Variants in PTPRG observed in about 807,000 individuals in gnomAD.
PTPRG encodes the protein protein tyrosine phosphatase receptor type G, also known as receptor-type tyrosine-protein phosphatase gamma.
In PTPRG, 102 loss-of-function variants were observed where a neutral mutation model predicts 165.3. The ratio of observed to expected loss-of-function variants is 0.62; its 90% CI spans 0.53 to 0.73. PTPRG has a LOEUF of 0.73. Ranked by LOEUF, PTPRG falls within the 30% of genes least tolerant of loss-of-function variation. PTPRG has a pLI of 0.00. For synonymous variants in PTPRG, 675 were observed against 669.5 expected, an observed-to-expected ratio of 1.01 and a Z score of -0.13; for missense variants, 1,866 against 1,861.4, an observed-to-expected ratio of 1.00 and a Z score of -0.05.
At chr3:61,664,292 A>T (rs1296039628) in intron 1 of PTPRG, among the ~76,000 whole-genome samples, 1 of 152,090 alleles carries the variant, frequency 6.6e-6, no homozygotes, top group Non-Finnish European at 1.5e-5. Context: ...AGTCATAGTT[A>T]CCCAGCAGGA....
intron 15 of PTPRG, among the ~76,000 whole-genome samples, chr3:62,249,592 T>C (rs1169075082): frequency 6.6e-6 from 1 of 152,178 alleles, no homozygotes; most frequent in East Asian, 1.9e-4. Context: ...GGAATCTTAA[T>C]GGTATTTATA....
intron 2 of PTPRG, among the ~76,000 whole-genome samples, chr3:61,763,532 A>AT (rs35443698): frequency 0.84 from 123,963 of 148,414 alleles, 52,050 homozygotes; most frequent in East Asian, 0.94. Context: ...CGCCCAGCTA[A>AT]TTTTTGTATT....
At chr3:62,183,306 G>C (rs887334891) in intron 8 of PTPRG, among the ~76,000 whole-genome samples, 1 of 152,162 alleles carries the variant, frequency 6.6e-6, no homozygotes, top group Non-Finnish European at 1.5e-5. Flanking sequence ...GCTCATGCCT[G>C]TAATCTCAAC....
At chr3:62,084,237 A>G (rs981347654) in intron 5 of PTPRG, among the ~76,000 whole-genome samples, 2 of 152,324 alleles carry the variant, frequency 1.3e-5, no homozygotes, top group East Asian at 1.9e-4. Context: ...AAGTAATTGA[A>G]TTGCATCTGA....
chr3:61,845,938 C>T (rs2036794057), intron 2 of PTPRG, among the ~76,000 whole-genome samples: 1 of 152,126 alleles, frequency 6.6e-6, no homozygotes, highest in Admixed American at 6.6e-5. Context: ...AATGAACTGT[C>T]AAGGTTTTTT....
chr3:61,917,759 G>A (rs145524013), intron 2 of PTPRG, among the ~76,000 whole-genome samples: 118 of 152,166 alleles, frequency 7.8e-4, no homozygotes, highest in African/African-American at 2.7e-3. Context: ...GTGAAACCCC[G>A]TGTCTTTACT....
intron 5 of PTPRG, among the ~76,000 whole-genome samples, chr3:62,120,647 A>T (rs1703031280): frequency 2.6e-5 from 4 of 151,818 alleles, no homozygotes; most frequent in Admixed American, 6.6e-5. Context: ...GCTACTGGGG[A>T]GCCTGAGGCA....
chr3:62,029,460 C>T (rs555163105), intron 4 of PTPRG, among the ~76,000 whole-genome samples: 4 of 152,276 alleles, frequency 2.6e-5, no homozygotes, highest in Admixed American at 6.5e-5. Flanking sequence ...CCCTTAAAAA[C>T]GCTAAAACAC....
chr3:61,884,079 A>G (rs1271523013), intron 2 of PTPRG, among the ~76,000 whole-genome samples: 2 of 152,210 alleles, frequency 1.3e-5, no homozygotes, highest in Non-Finnish European at 2.9e-5. Context: ...TGGACAATCC[A>G]TGACATACTT....
At chr3:61,898,118 G>A (rs1291218862) in intron 2 of PTPRG, among the ~76,000 whole-genome samples, 3 of 152,116 alleles carry the variant, frequency 2.0e-5, no homozygotes, top group Non-Finnish European at 2.9e-5. Flanking sequence ...ACACATCCTT[G>A]CCTTGTTCCC....
chr3:61,652,484 G>C (rs10510866), intron 1 of PTPRG, among the ~76,000 whole-genome samples: 16,450 of 152,090 alleles, frequency 0.11, 978 homozygotes, highest in East Asian at 0.16. Context: ...CAGGACACTT[G>C]TTGAGCTCTT....
chr3:62,189,176 C>T (rs1699742129), intron 8 of PTPRG, among the ~76,000 whole-genome samples: 1 of 152,082 alleles, frequency 6.6e-6, no homozygotes, highest in African/African-American at 2.4e-5. Context: ...GAATGACCCA[C>T]TAATTTATCC....
intron 5 of PTPRG, among the ~76,000 whole-genome samples, chr3:62,083,307 C>T (rs1701642955): frequency 6.7e-6 from 1 of 150,064 alleles, no homozygotes; most frequent in Non-Finnish European, 1.5e-5. Flanking sequence ...CACTATGTTG[C>T]TCAGGCAGGT....
chr3:61,588,107 T>G (rs894321512), intron 1 of PTPRG, among the ~76,000 whole-genome samples: 1 of 152,162 alleles, frequency 6.6e-6, no homozygotes, highest in Non-Finnish European at 1.5e-5. Context: ...ACAGACCACT[T>G]AATTTTGTAG....
intron 11 of PTPRG, among the ~76,000 whole-genome samples, chr3:62,202,307 C>G (rs1700112661): frequency 6.6e-6 from 1 of 152,198 alleles, no homozygotes; most frequent in Admixed American, 6.5e-5. Flanking sequence ...TAGACCCAGG[C>G]AGCCCTGCAT....
At chr3:62,132,476 T>C in intron 5 of PTPRG, 126 bp from the exon 6 acceptor site, 1 of 752,160 alleles carries the variant, frequency 1.3e-6, no homozygotes, top group Middle Eastern at 2.6e-4. Flanking sequence ...AGCCATGGTG[T>C]ATGTGAGACC....
intron 2 of PTPRG, among the ~76,000 whole-genome samples, chr3:61,765,246 C>G (rs7636731): frequency 0.45 from 68,787 of 152,030 alleles, 16,223 homozygotes; most frequent in Non-Finnish European, 0.53. Flanking sequence ...GCAAGTTGAC[C>G]ATTTCAGAAA....
At chr3:61,910,754 C>G (rs2038781213) in intron 2 of PTPRG, among the ~76,000 whole-genome samples, 1 of 152,140 alleles carries the variant, frequency 6.6e-6, no homozygotes, top group Non-Finnish European at 1.5e-5. Flanking sequence ...ACCTGCTTTC[C>G]CCACAGAACC....
At position 61,782,787 on chromosome 3, in the gene PTPRG, G is replaced by GTGTTTTGTTT. The variant is rs527472740; in HGVS notation, c.190+33822_190+33831dup. Among the ~76,000 whole-genome samples the GTGTTTTGTTT allele has an allele frequency of 7.2e-5, 11 of 152,132 alleles. 1 individual carries two copies. The South Asian group carries it at 2.3e-3, about 32-fold the overall frequency. The stretch of plus-strand genomic sequence containing the variant: ...AATTGCTTGAGTCTGGATGAGTATC[G>GTGTTTTGTTT]TGTTTTGTTTTGTTTTGTTTTGTTT... On this transcript the variant is annotated intron_variant, in intron 2 of 29. Transcript: ENST00000474889.
Sources: allele counts gnomAD v4.1 joint callset (sites outside exome capture counted in the v4.1 genomes callset), GRCh38; gene constraint gnomAD v4.1.1; transcripts MANE v1.5; gene names NCBI Gene and HGNC (gene_info 2026-07-23, HGNC 2026-07-21).